The following PPP2R2C variants were observed in gnomAD, a reference collection of about 807,000 sequenced individuals.
PPP2R2C encodes protein phosphatase 2 regulatory subunit Bgamma.
PPP2R2C carries 10 observed loss-of-function variants against 45.3 expected under a neutral mutation model. The ratio of observed to expected loss-of-function variants is 0.22; its 90% CI spans 0.14 to 0.37. The LOEUF is 0.37. Ranked by LOEUF, PPP2R2C falls within the 10% of genes least tolerant of loss-of-function variation. PPP2R2C has a pLI of 1.00. For missense variants in PPP2R2C, 308 were observed against 619.7 expected (o/e 0.50, Z 5.34); for synonymous variants, 257 against 245.4 (o/e 1.05, Z -0.44).
intron 2 of PPP2R2C, among the ~76,000 whole-genome samples, chr4:6,488,511 C>T (rs1051752202): frequency 6.6e-6 from 1 of 152,056 alleles, no homozygotes; most frequent in African/African-American, 2.4e-5. Flanking sequence ...TAGTGAGAAC[C>T]TGTCTCTACA....
intron 1 of PPP2R2C, among the ~76,000 whole-genome samples, chr4:6,459,509 A>C (rs1721214088): frequency 6.6e-6 from 1 of 152,198 alleles, no homozygotes; most frequent in African/African-American, 2.4e-5. Flanking sequence ...ACAACAAACC[A>C]AGGGTCAGTG....
intron 1 of PPP2R2C, among the ~76,000 whole-genome samples, chr4:6,466,631 C>T (rs904438262): frequency 1.3e-5 from 2 of 152,160 alleles, no homozygotes; most frequent in African/African-American, 4.8e-5. Flanking sequence ...TCTTACTCCC[C>T]ATCACACTCT....
At chr4:6,521,776 G>T (rs539092230) in intron 2 of PPP2R2C, among the ~76,000 whole-genome samples, 6 of 152,284 alleles carry the variant, frequency 3.9e-5, no homozygotes, top group Non-Finnish European at 8.8e-5. Context: ...CCATTTGTGA[G>T]CATTTACTAC....
At chr4:6,530,432 C>T (rs986928315) in intron 2 of PPP2R2C, among the ~76,000 whole-genome samples, 2 of 152,164 alleles carry the variant, frequency 1.3e-5, no homozygotes, top group African/African-American at 4.8e-5. Context: ...CCTGGGATCC[C>T]CTCTGCCCGG....
intron 1 of PPP2R2C, among the ~76,000 whole-genome samples, chr4:6,556,680 G>C (rs1489978319): frequency 1.3e-5 from 2 of 152,062 alleles, no homozygotes; most frequent in Non-Finnish European, 2.9e-5. Flanking sequence ...CCAGAGCCCT[G>C]CCCAGCTTGC....
chr4:6,489,037 C>G (rs1722614619), intron 2 of PPP2R2C, among the ~76,000 whole-genome samples: 1 of 152,218 alleles, frequency 6.6e-6, no homozygotes, highest in Admixed American at 6.5e-5. Flanking sequence ...GCAGCTCTCT[C>G]CATTCCATTA....
At chr4:6,444,095 G>A (rs1254722269) in intron 1 of PPP2R2C, among the ~76,000 whole-genome samples, 1 of 152,130 alleles carries the variant, frequency 6.6e-6, no homozygotes, top group East Asian at 1.9e-4. Context: ...TGCCTGATTA[G>A]GAGAGAGTGG....
Position 6,419,329 on chromosome 4 carries a change from G to A in PPP2R2C, c.71-38235C>T, listed in dbSNP as rs1718812473. On this transcript the variant is annotated intron_variant, in intron 1 of 8. Transcript: ENST00000382599. ...TAATCCCAGCTACTCGGGAGGCTAA[G>A]GCAGGAGAATCGCTTGAACCCGGGA... Among the ~76,000 whole-genome samples the A allele has an allele frequency of 7.2e-5, 11 of 152,238 alleles. No homozygotes were observed. In the South Asian group the frequency reaches 2.3e-3, roughly 32 times the overall value.
chr4:6,497,700 C>T (rs2108791430), intron 2 of PPP2R2C, among the ~76,000 whole-genome samples: 1 of 152,270 alleles, frequency 6.6e-6, no homozygotes, highest in East Asian at 1.9e-4. Context: ...AGCGAAAAGA[C>T]AAGCTACATG....
At chr4:6,524,850 A>G (rs898837828) in intron 2 of PPP2R2C, among the ~76,000 whole-genome samples, 7 of 152,230 alleles carry the variant, frequency 4.6e-5, no homozygotes, top group Non-Finnish European at 1.0e-4. Flanking sequence ...GCACTTTGGG[A>G]GGCTGAGGTG....
At chr4:6,372,086 G>A (rs925679890) in intron 5 of PPP2R2C, among the ~76,000 whole-genome samples, 7 of 152,206 alleles carry the variant, frequency 4.6e-5, no homozygotes, top group Admixed American at 1.3e-4. Context: ...GTTGTCACCC[G>A]AAGCCCTGGC....
chr4:6,411,820 A>G (rs6815530), intron 1 of PPP2R2C, among the ~76,000 whole-genome samples: 107,557 of 151,976 alleles, frequency 0.71, 38,448 homozygotes, highest in Middle Eastern at 0.77. Context: ...CCAAAGTGCT[A>G]GGATTATAGG....
At chr4:6,524,875 G>A (rs1305574298) in intron 2 of PPP2R2C, among the ~76,000 whole-genome samples, 1 of 151,936 alleles carries the variant, frequency 6.6e-6, no homozygotes, top group East Asian at 1.9e-4. Flanking sequence ...GATCCCTTGA[G>A]CCCAAGAGTT....
intron 1 of PPP2R2C, among the ~76,000 whole-genome samples, chr4:6,560,743 G>T (rs1263070601): frequency 6.6e-6 from 1 of 152,220 alleles, no homozygotes; most frequent in African/African-American, 2.4e-5. Flanking sequence ...CGTGCTTGGG[G>T]TTTAAGGCTC....
chr4:6,511,032 T>G (rs1187773033), intron 2 of PPP2R2C, among the ~76,000 whole-genome samples: 1 of 148,806 alleles, frequency 6.7e-6, no homozygotes, highest in Non-Finnish European at 1.5e-5. Flanking sequence ...GTTGAATGAA[T>G]GAATAAGAGG....
chr4:6,395,597 G>T (rs373830618), intron 1 of PPP2R2C, among the ~76,000 whole-genome samples: 18 of 152,330 alleles, frequency 1.2e-4, no homozygotes, highest in African/African-American at 4.3e-4. Flanking sequence ...ACCCCCCACA[G>T]CGGGGGCTGA....
intron 1 of PPP2R2C, among the ~76,000 whole-genome samples, chr4:6,408,741 G>A (rs138425826): frequency 1.7e-3 from 264 of 152,238 alleles, no homozygotes; most frequent in African/African-American, 6.1e-3. Flanking sequence ...GATCTGCGGG[G>A]CACCCTGAGA....
Position 6,355,999 on chromosome 4 carries a change from A to G in PPP2R2C, c.626-7989T>C, listed in dbSNP as rs1439385715. Among the ~76,000 whole-genome samples, 126 of 131,590 alleles carry G rather than the reference A, an allele frequency of 9.6e-4. 2 individuals are homozygous for G. The highest frequency in any genetic ancestry group is 4.7e-3 in the African/African-American group (121 of 25,866). The allele number at this position is 131,590 out of a possible 152,430, so 86.3% of individuals were successfully genotyped here. On this transcript the variant is annotated intron_variant, in intron 5 of 8. Coordinates refer to ENST00000382599, the MANE Select transcript of PPP2R2C (RefSeq NM_020416.4). ...CAGAGTGAGACTCTGCCTGGAAAAA[A>G]AAAAAAAAAAAAAAAAAGAGCACTG...
chr4:6,494,202 A>T (rs563142625), intron 2 of PPP2R2C, among the ~76,000 whole-genome samples: 12 of 152,294 alleles, frequency 7.9e-5, no homozygotes, highest in Non-Finnish European at 1.3e-4. Flanking sequence ...CCCTACAGCC[A>T]GGGGGCCCAT....
Sources: gnomAD v4.1 joint callset for allele counts (sites outside exome capture counted in the v4.1 genomes callset) on GRCh38, gnomAD v4.1.1 for gene constraint, MANE v1.5 for transcripts, NCBI Gene and HGNC (gene_info 2026-07-23, HGNC 2026-07-21) for gene names.